Variants in ZNF385D observed in about 807,000 individuals in gnomAD.
The protein encoded by ZNF385D is zinc finger protein 385D, also known as zinc finger protein 659.
Under a neutral mutation model 35.8 loss-of-function variants are expected in ZNF385D, and 15 were observed. That is an observed-to-expected ratio of 0.42 (90% CI 0.28 to 0.64). The LOEUF is 0.64. Ranked by LOEUF, ZNF385D falls within the 30% of genes least tolerant of loss-of-function variation. The probability of loss-of-function intolerance (pLI) is 0.23; values close to 1 mark genes in which losing one functional copy is unlikely to be tolerated. For synonymous variants in ZNF385D, 212 were observed against 186.8 expected, an observed-to-expected ratio of 1.13 and a Z score of -1.10; for missense variants, 474 against 494.6, an observed-to-expected ratio of 0.96 and a Z score of 0.39.
At chr3:22,358,319 G>A (rs1257008975) in intron 2 of ZNF385D, among the ~76,000 whole-genome samples, 1 of 151,814 alleles carries the variant, frequency 6.6e-6, no homozygotes, top group Non-Finnish European at 1.5e-5. Flanking sequence ...CCATTGTTGA[G>A]ACCAGTCCTA....
chr3:22,178,288 G>C lies in ZNF385D; in HGVS notation c.107-9253C>G, dbSNP rs367880237. On this transcript the variant is annotated intron_variant, in intron 2 of 5. Coordinates refer to the ZNF385D transcript ENST00000494108. ...TAATGATTGCCATTCTAACTGGTGTGAGATGGCATCTCATTGTGGTTTTGA... is the reference window on the plus strand; with the variant it reads ...TAATGATTGCCATTCTAACTGGTGTCAGATGGCATCTCATTGTGGTTTTGA... 2.4e-4 allele frequency among the ~76,000 whole-genome samples: 37 copies of C among 152,314 alleles called. 1 individual carries two copies. In the South Asian group the frequency reaches 7.3e-3, roughly 30 times the overall value.
At chr3:22,048,808 T>G (rs1401497696) in intron 3 of ZNF385D, among the ~76,000 whole-genome samples, 1 of 152,194 alleles carries the variant, frequency 6.6e-6, no homozygotes, top group Admixed American at 6.5e-5. Context: ...TGATAGTGAT[T>G]GCATGGAATT....
rs918118312 is a variant in ZNF385D at position 21,416,495 on chromosome 3, C to T, written c.*4719G>A. On this transcript the variant is annotated 3_prime_UTR_variant, in exon 8 of 8. Coordinates refer to ENST00000281523, the MANE Select transcript of ZNF385D (RefSeq NM_024697.3). Reference sequence around the variant, plus strand: ...TCTTTCACTGGACACCCTGATACCACTCTCAGAAATACCATGTAGGCAATG... The same window carrying T: ...TCTTTCACTGGACACCCTGATACCATTCTCAGAAATACCATGTAGGCAATG... The T allele has an allele frequency of 6.6e-6, 1 of 152,062 alleles. No individual in the cohort carries two copies. Among genetic ancestry groups the T allele is most frequent in the African/African-American group, 2.4e-5 (1 of 41,394 alleles). 9.4% of individuals were successfully genotyped at this position (152,062 alleles called of 1,614,324 possible).
At chr3:21,849,743 T>C (rs1016181637) in intron 3 of ZNF385D, 5 of 151,998 alleles carry the variant, frequency 3.3e-5, no homozygotes, top group South Asian at 2.1e-4. Flanking sequence ...GAAACTTATG[T>C]TTTTTTCTAA....
At chr3:21,811,635 C>A (rs2072925272) in intron 3 of ZNF385D, among the ~76,000 whole-genome samples, 1 of 152,082 alleles carries the variant, frequency 6.6e-6, no homozygotes, top group Non-Finnish European at 1.5e-5. Flanking sequence ...AAGCAGCTAG[C>A]ATTTATTTAT....
chr3:22,253,387 C>A (rs1042432983), intron 2 of ZNF385D, among the ~76,000 whole-genome samples: 1 of 151,972 alleles, frequency 6.6e-6, no homozygotes, highest in African/African-American at 2.4e-5. Flanking sequence ...AAAACAAGTT[C>A]AGTTTGCAGG....
intron 3 of ZNF385D, among the ~76,000 whole-genome samples, chr3:21,996,406 G>C (rs1156917790): frequency 6.6e-6 from 1 of 152,136 alleles, no homozygotes; most frequent in African/African-American, 2.4e-5. Flanking sequence ...GAGGCTCCCT[G>C]TCACTCCTCG....
At position 21,430,265 on chromosome 3, in the gene ZNF385D, C is replaced by G. The variant is rs144013335; in HGVS notation, c.674-4595G>C. Reference sequence around the variant, plus strand: ...TAAGAAAAAAAAAATTCTATCATTTCTGTTAGTTCCTTGGTTGAAAGTAAT... The same window carrying G: ...TAAGAAAAAAAAAATTCTATCATTTGTGTTAGTTCCTTGGTTGAAAGTAAT... On this transcript the variant is annotated intron_variant, in intron 5 of 7. Transcript: ENST00000281523. 2.1e-3 allele frequency among the ~76,000 whole-genome samples: 326 copies of G among 152,226 alleles called. 3 individuals carry two copies. Among genetic ancestry groups the G allele is most frequent in the African/African-American group, 7.6e-3 (317 of 41,558 alleles).
At chr3:22,090,570 A>G (rs1351142539) in intron 3 of ZNF385D, among the ~76,000 whole-genome samples, 3 of 152,164 alleles carry the variant, frequency 2.0e-5, no homozygotes, top group Non-Finnish European at 4.4e-5. Context: ...CATGAGAACC[A>G]TAAAAGAATA....
At chr3:21,950,270 C>G (rs576909087) in intron 3 of ZNF385D, among the ~76,000 whole-genome samples, 2 of 151,906 alleles carry the variant, frequency 1.3e-5, no homozygotes, top group African/African-American at 4.9e-5. Flanking sequence ...GAGATGGTAT[C>G]TCATTGTGGT....
chr3:22,212,002 T>A (rs916738438), intron 2 of ZNF385D, among the ~76,000 whole-genome samples: 2 of 152,040 alleles, frequency 1.3e-5, no homozygotes, highest in African/African-American at 4.8e-5. Context: ...AATTTGGGGA[T>A]ATGTGACTAT....
intron 2 of ZNF385D, among the ~76,000 whole-genome samples, chr3:22,319,973 G>C (rs1222807585): frequency 3.3e-5 from 5 of 151,754 alleles, no homozygotes; most frequent in Admixed American, 6.6e-5. Context: ...TTTATCATCA[G>C]AACTCTCTTT....
At chr3:21,874,547 C>T (rs1332414825) in intron 3 of ZNF385D, among the ~76,000 whole-genome samples, 1 of 151,988 alleles carries the variant, frequency 6.6e-6, no homozygotes, top group Non-Finnish European at 1.5e-5. Context: ...CTTTCTATTC[C>T]TTTCCACTGA....
At chr3:22,261,872 T>TA (rs1259414800) in intron 2 of ZNF385D, among the ~76,000 whole-genome samples, 1 of 152,006 alleles carries the variant, frequency 6.6e-6, no homozygotes, top group Non-Finnish European at 1.5e-5. Flanking sequence ...CCTGTGATTC[T>TA]AGCCTATGGT....
intron 2 of ZNF385D, among the ~76,000 whole-genome samples, chr3:22,356,786 T>G (rs1391479556): frequency 1.3e-5 from 2 of 150,068 alleles, no homozygotes; most frequent in Admixed American, 1.3e-4. Context: ...GATGATAGAG[T>G]GATAGAAAGA....
At position 22,011,764 on chromosome 3, in the gene ZNF385D, A is replaced by G. The variant is rs142041312; in HGVS notation, c.325+157053T>C. On this transcript the variant is annotated intron_variant, in intron 3 of 5. Coordinates refer to the ZNF385D transcript ENST00000494108. ...TTATTATCCCATTTAAGTTACTGAGATACATAGTGAAATTGTATCTTACCG... is the reference window on the plus strand; with the variant it reads ...TTATTATCCCATTTAAGTTACTGAGGTACATAGTGAAATTGTATCTTACCG... Among the ~76,000 whole-genome samples the G allele has an allele frequency of 2.0e-3, 300 of 152,200 alleles. 2 individuals carry two copies. Among genetic ancestry groups the G allele is most frequent in the African/African-American group, 7.0e-3 (289 of 41,556 alleles).
At chr3:22,218,387 A>G (rs1698027778) in intron 2 of ZNF385D, among the ~76,000 whole-genome samples, 1 of 151,916 alleles carries the variant, frequency 6.6e-6, no homozygotes, top group South Asian at 2.1e-4. Context: ...TTGAAAACTA[A>G]CTTTGTATTC....
intron 1 of ZNF385D, among the ~76,000 whole-genome samples, chr3:21,690,928 C>T (rs191041545): frequency 1.6e-3 from 248 of 152,280 alleles, no homozygotes; most frequent in African/African-American, 5.8e-3. Flanking sequence ...AACTGTTCCT[C>T]CTTCAAAATC....
intron 3 of ZNF385D, among the ~76,000 whole-genome samples, chr3:22,088,380 A>G (rs1423657472): frequency 1.3e-5 from 2 of 152,120 alleles, no homozygotes; most frequent in Non-Finnish European, 2.9e-5. Flanking sequence ...GCCTGGTAAC[A>G]CTCAGTCTGG....
Sources: allele counts gnomAD v4.1 joint callset (sites outside exome capture counted in the v4.1 genomes callset), GRCh38; gene constraint gnomAD v4.1.1; transcripts MANE v1.5; gene names NCBI Gene and HGNC (gene_info 2026-07-23, HGNC 2026-07-21).